Variants in PIEZO2 observed in about 807,000 individuals in gnomAD.
PIEZO2 encodes the protein piezo-type mechanosensitive ion channel component 2.
Under a neutral mutation model 337.3 loss-of-function variants are expected in PIEZO2, and 172 were observed. The ratio of observed to expected loss-of-function variants is 0.51; its 90% CI spans 0.45 to 0.58. The LOEUF (loss-of-function observed/expected upper bound fraction) is 0.58. PIEZO2 is among the 20% of genes least tolerant of loss of function. The pLI, the probability that PIEZO2 is intolerant of heterozygous loss-of-function variation, is 0.00. For synonymous variants in PIEZO2, 1,251 were observed against 1,228.5 expected (o/e 1.02, Z -0.38); for missense variants, 3,028 against 3,391.3 (o/e 0.89, Z 2.66).
intron 1 of PIEZO2, among the ~76,000 whole-genome samples, chr18:11,123,037 C>T (rs748995290): frequency 7.9e-5 from 12 of 151,594 alleles, no homozygotes; most frequent in Non-Finnish European, 1.2e-4. Context: ...TTTAATCTGT[C>T]GGAATGAACA....
At chr18:10,959,985 C>G (rs181664196) in intron 3 of PIEZO2, among the ~76,000 whole-genome samples, 1 of 151,994 alleles carries the variant, frequency 6.6e-6, no homozygotes, top group Non-Finnish European at 1.5e-5. Flanking sequence ...TGTCAGGGAA[C>G]CTTAAATTTA....
intron 7 of PIEZO2, among the ~76,000 whole-genome samples, chr18:10,851,429 A>G (rs1466034042): frequency 6.6e-6 from 1 of 152,178 alleles, no homozygotes; most frequent in Admixed American, 6.5e-5. Context: ...CTATGAGATT[A>G]TAATAACAGA....
chr18:10,960,136 T>A (rs1259300362), intron 3 of PIEZO2, among the ~76,000 whole-genome samples: 1 of 152,206 alleles, frequency 6.6e-6, no homozygotes, highest in African/African-American at 2.4e-5. Context: ...GAATGCTTTA[T>A]ATCTTTTTAT....
intron 3 of PIEZO2, among the ~76,000 whole-genome samples, chr18:10,968,332 A>G (rs2034099747): frequency 6.6e-6 from 1 of 152,176 alleles, no homozygotes; most frequent in Non-Finnish European, 1.5e-5. Flanking sequence ...TACCAGTACC[A>G]TGCTGTTTTG....
At chr18:11,068,968 C>T (rs1177971684) in intron 1 of PIEZO2, among the ~76,000 whole-genome samples, 1 of 151,898 alleles carries the variant, frequency 6.6e-6, no homozygotes, top group Non-Finnish European at 1.5e-5. Flanking sequence ...ATGATGGAAT[C>T]ATGAAGAAAT....
At chr18:11,010,865 G>A (rs914039399) in intron 2 of PIEZO2, among the ~76,000 whole-genome samples, 1 of 152,224 alleles carries the variant, frequency 6.6e-6, no homozygotes, top group African/African-American at 2.4e-5. Flanking sequence ...GTCAATATTT[G>A]TTAAAAGAAT....
intron 3 of PIEZO2, among the ~76,000 whole-genome samples, chr18:10,948,343 A>C (rs1366303035): frequency 6.6e-6 from 1 of 152,194 alleles, no homozygotes; most frequent in Non-Finnish European, 1.5e-5. Context: ...AGATAAAATT[A>C]ATTTTGTTGA....
In PIEZO2 at chr18:10,837,128, T is replaced by G. The variant is rs1405192801; in HGVS notation, c.917+18225A>C. Among the ~76,000 whole-genome samples the G allele has an allele frequency of 6.6e-6, 1 of 152,210 alleles. No homozygotes were observed. The highest frequency in any genetic ancestry group is 2.4e-5 in the African/African-American group (1 of 41,460). Reference sequence around the variant, plus strand: ...CGCACAGGGATTGCTCACAACTCTTTCCATGCCAAGAAGCATGTGAGGAGG... The same window carrying G: ...CGCACAGGGATTGCTCACAACTCTTGCCATGCCAAGAAGCATGTGAGGAGG... On this transcript the variant is annotated intron_variant, in intron 7 of 55. Coordinates refer to ENST00000674853, the MANE Select transcript of PIEZO2 (RefSeq NM_001378183.1). This position sits in a 1 kb window ranked among gnomAD's most constrained non-coding sequence, Gnocchi z 4.4.
Position 10,689,685 on chromosome 18 carries a change from G to A in PIEZO2, c.7467C>T (p.Phe2489=), listed in dbSNP as rs765470766. ...ICVEDIYAHI[F]ILKCWRESEK... ...CCGACTCCCGCCAACACTTCAGGAT[G>A]AATATGTGAGCATAGATGTCCTCCA... Residue 2489 remains phenylalanine (F), a synonymous_variant, in exon 49 of 56, where the codon TTC becomes TTT. Transcript: ENST00000674853. The A allele has an allele frequency of 6.2e-7, 1 of 1,614,226 alleles. No homozygotes were observed. The highest frequency in any genetic ancestry group is 8.5e-7 in the Non-Finnish European group (1 of 1,180,036).
chr18:11,003,434 G>T lies in PIEZO2; in HGVS notation c.161-23774C>A, dbSNP rs964894823. ...GTTAAATTCCTAAGGCATATTTCTG[G>T]TCACAAAAACATCACCAAACTTCTA... On this transcript the variant is annotated intron_variant, in intron 2 of 55. Transcript: ENST00000674853. The surrounding 1 kb of genome is among the most constrained non-coding windows in gnomAD (Gnocchi z 4.6). Among the ~76,000 whole-genome samples the T allele has an allele frequency of 2.6e-5, 4 of 152,126 alleles. No homozygotes were observed. Among genetic ancestry groups the T allele is most frequent in the African/African-American group, 4.8e-5 (2 of 41,398 alleles).
chr18:11,144,178 C>T (rs5018879), intron 1 of PIEZO2, among the ~76,000 whole-genome samples: 56,791 of 152,134 alleles, frequency 0.37, 10,754 homozygotes, highest in East Asian at 0.46. Context: ...AGCAACAGGA[C>T]GGACACATAG....
rs745534124 is a variant in PIEZO2, at chr18:10,705,450, G to A, written c.5885C>T (p.Ala1962Val). 7.2e-6 allele frequency: 11 copies of A among 1,537,138 alleles called. No homozygotes were observed. In the East Asian group the frequency reaches 2.7e-4, roughly 38 times the overall value. The change falls in exon 41 of 56, where the codon GCA (alanine) becomes GTA (valine). Residue 1962 changes from alanine (A) to valine (V), a missense_variant. By Grantham distance (64) the Ala-to-Val change is moderately conservative. Around this residue, in one of 5 missense-constraint regions of PIEZO2, gnomAD observed 1,925 missense variants for 2,051.9 expected, o/e 0.94. Transcript: ENST00000674853. ...GCTGACTGCCATACGGTTCTTGCCT[G>A]CAGAGTCGTCCTGCGAGCCGAAGGA... is the stretch of plus-strand genomic sequence containing the variant. ...HLSFGSQDDS[A>V]GKNRMAVSPD...
rs1053948746 is a variant in PIEZO2, at chr18:11,092,236, A to G, written c.65-26014T>C. On this transcript the variant is annotated intron_variant, in intron 1 of 55. Coordinates refer to ENST00000674853, the MANE Select transcript of PIEZO2 (RefSeq NM_001378183.1). The surrounding 1 kb of genome is among the most constrained non-coding windows in gnomAD (Gnocchi z 4.5). ...ACAAAAACAAAGAACAGGAAATAAC[A>G]ATGGGAAAATGGTTGAAGATATTAA... Among the ~76,000 whole-genome samples, 1 of 152,250 alleles carries G rather than the reference A, an allele frequency of 6.6e-6. No homozygotes were observed. Among genetic ancestry groups the G allele is most frequent in the Non-Finnish European group, 1.5e-5 (1 of 68,046 alleles).
chr18:10,949,538 C>T (rs1318238382), intron 3 of PIEZO2, among the ~76,000 whole-genome samples: 2 of 152,206 alleles, frequency 1.3e-5, no homozygotes, highest in Non-Finnish European at 2.9e-5. Context: ...TAAAAGTCAG[C>T]CATTCTGGCT....
rs968866363 is a variant in PIEZO2, at chr18:11,016,168, G to T, written c.161-36508C>A. On this transcript the variant is annotated intron_variant, in intron 2 of 55. Coordinates refer to ENST00000674853, the MANE Select transcript of PIEZO2 (RefSeq NM_001378183.1). The surrounding 1 kb of genome is among the most constrained non-coding windows in gnomAD (Gnocchi z 5.6). ...TTTAGCAAATGTAATGAGTACTGTG[G>T]GTAAGAGGGAAGGAAATGAGCCCTT... Among the ~76,000 whole-genome samples the T allele has an allele frequency of 3.9e-5, 6 of 152,112 alleles. No homozygotes were observed. The highest frequency in any genetic ancestry group is 7.4e-5 in the Non-Finnish European group (5 of 68,026).
At chr18:10,972,979 T>G (rs2034302172) in intron 3 of PIEZO2, among the ~76,000 whole-genome samples, 1 of 152,190 alleles carries the variant, frequency 6.6e-6, no homozygotes, top group African/African-American at 2.4e-5. Flanking sequence ...TGAGGCACAC[T>G]GGGACTCACT....
At chr18:10,958,868 G>A (rs2145363486) in intron 3 of PIEZO2, among the ~76,000 whole-genome samples, 1 of 152,210 alleles carries the variant, frequency 6.6e-6, no homozygotes, top group South Asian at 2.1e-4. Context: ...CCAAGTCTAT[G>A]AGAATTGTAT....
intron 2 of PIEZO2, among the ~76,000 whole-genome samples, chr18:11,062,117 T>C (rs1023308784): frequency 6.6e-6 from 1 of 152,018 alleles, no homozygotes; most frequent in Non-Finnish European, 1.5e-5. Context: ...TACCTACAAC[T>C]ATCTGATCTT....
At chr18:10,921,710 G>A (rs1244768561) in intron 3 of PIEZO2, among the ~76,000 whole-genome samples, 12 of 152,098 alleles carry the variant, frequency 7.9e-5, no homozygotes, top group South Asian at 4.2e-4. Context: ...TGAGCCGGGC[G>A]GAAAAGAGCC....
Sources: allele counts gnomAD v4.1 joint callset (sites outside exome capture counted in the v4.1 genomes callset), GRCh38; gene constraint gnomAD v4.1.1; regional missense constraint gnomAD v4.1.1; non-coding constraint Gnocchi (gnomAD v3.1); transcripts MANE v1.5; gene names NCBI Gene and HGNC (gene_info 2026-07-23, HGNC 2026-07-21).